Variants in NKAIN3 observed in about 807,000 individuals in gnomAD.
NKAIN3 encodes the protein sodium/potassium transporting ATPase interacting 3.
In NKAIN3, 25 loss-of-function variants were observed where a neutral mutation model predicts 30.2. The ratio of observed to expected loss-of-function variants is 0.83; its 90% CI spans 0.60 to 1.16. The LOEUF (loss-of-function observed/expected upper bound fraction) is 1.16, where lower values mean the gene tolerates loss of function less well. NKAIN3 is among the 50% of genes most tolerant of loss of function. The pLI, the probability that NKAIN3 is intolerant of heterozygous loss-of-function variation, is 0.00. For missense variants in NKAIN3, 225 were observed against 254.1 expected (o/e 0.89, Z 0.78); for synonymous variants, 91 against 89.6 (o/e 1.02, Z -0.09).
chr8:62,689,093 G>A (rs1237964176), intron 3 of NKAIN3, among the ~76,000 whole-genome samples: 1 of 152,052 alleles, frequency 6.6e-6, no homozygotes, highest in Non-Finnish European at 1.5e-5. Context: ...TGTTGAGAAG[G>A]AAAATAAGTT....
chr8:62,690,300 C>T (rs1813925983), intron 3 of NKAIN3, among the ~76,000 whole-genome samples: 1 of 152,268 alleles, frequency 6.6e-6, no homozygotes, highest in East Asian at 1.9e-4. Context: ...GGGCCCCGTG[C>T]CCCTGGACCA....
At chr8:62,459,814 G>T (rs1430300043) in intron 1 of NKAIN3, among the ~76,000 whole-genome samples, 1 of 152,198 alleles carries the variant, frequency 6.6e-6, no homozygotes, top group Non-Finnish European at 1.5e-5. Context: ...AGAGTAAACA[G>T]AGAGAATACA....
chr8:62,882,306 A>G (rs533058597), intron 4 of NKAIN3, among the ~76,000 whole-genome samples: 2 of 152,018 alleles, frequency 1.3e-5, no homozygotes, highest in South Asian at 4.1e-4. Flanking sequence ...TGTTGTATTT[A>G]TTTATTTATT....
intron 5 of NKAIN3, among the ~76,000 whole-genome samples, chr8:62,926,902 C>G (rs1822466255): frequency 6.6e-6 from 1 of 152,104 alleles, no homozygotes; most frequent in Admixed American, 6.6e-5. Context: ...ATTTAAGCAC[C>G]TTGCTCTCTT....
chr8:62,637,848 T>C (rs949769419), intron 3 of NKAIN3, among the ~76,000 whole-genome samples: 1 of 152,072 alleles, frequency 6.6e-6, no homozygotes, highest in Non-Finnish European at 1.5e-5. Context: ...AAGGTCAGGT[T>C]CCACAAGGTG....
chr8:62,955,215 G>C (rs1056471896), intron 6 of NKAIN3, among the ~76,000 whole-genome samples: 4 of 152,162 alleles, frequency 2.6e-5, no homozygotes, highest in African/African-American at 7.2e-5. Context: ...CACTGTGCCT[G>C]TCACATGATA....
At chr8:62,439,580 A>G (rs774166205) in intron 1 of NKAIN3, among the ~76,000 whole-genome samples, 1 of 152,162 alleles carries the variant, frequency 6.6e-6, no homozygotes, top group Non-Finnish European at 1.5e-5. Context: ...GTTCCCTCTC[A>G]TGTTACTTTC....
At chr8:62,712,168 G>T (rs1230535591) in intron 3 of NKAIN3, among the ~76,000 whole-genome samples, 4 of 152,138 alleles carry the variant, frequency 2.6e-5, no homozygotes, top group African/African-American at 9.7e-5. Context: ...ACTCTGTGAG[G>T]GTTCTTAGTT....
chr8:62,403,020 G>A (rs1212023404), intron 1 of NKAIN3, among the ~76,000 whole-genome samples: 1 of 152,226 alleles, frequency 6.6e-6, no homozygotes, highest in Non-Finnish European at 1.5e-5. Flanking sequence ...CCAAAATGCT[G>A]ATAGTGATAT....
At chr8:62,838,116 G>A (rs375177410) in intron 4 of NKAIN3, among the ~76,000 whole-genome samples, 2 of 136,046 alleles carry the variant, frequency 1.5e-5, no homozygotes, top group South Asian at 2.7e-4. Flanking sequence ...ATCTCACTCT[G>A]AACAATACCG....
intron 3 of NKAIN3, among the ~76,000 whole-genome samples, chr8:62,739,426 T>G (rs564603038): frequency 6.6e-6 from 1 of 152,174 alleles, no homozygotes; most frequent in African/African-American, 2.4e-5. Flanking sequence ...TGTTTGTTCT[T>G]GTGTTTATTT....
At chr8:62,634,064 A>C (rs1295655222) in intron 3 of NKAIN3, among the ~76,000 whole-genome samples, 1 of 152,162 alleles carries the variant, frequency 6.6e-6, no homozygotes, top group Non-Finnish European at 1.5e-5. Flanking sequence ...AATTGAAACC[A>C]GCCCAATTGT....
At chr8:62,831,736 C>A (rs1819203709) in intron 4 of NKAIN3, among the ~76,000 whole-genome samples, 1 of 151,896 alleles carries the variant, frequency 6.6e-6, no homozygotes, top group African/African-American at 2.4e-5. Flanking sequence ...TGTAAAGTGA[C>A]CAAATCTATG....
intron 1 of NKAIN3, among the ~76,000 whole-genome samples, chr8:62,341,785 A>T (rs1014505913): frequency 7.2e-5 from 11 of 152,026 alleles, no homozygotes; most frequent in African/African-American, 2.7e-4. Flanking sequence ...TGACAACATG[A>T]GACCCATGAG....
intron 1 of NKAIN3, among the ~76,000 whole-genome samples, chr8:62,502,241 A>G (rs920182678): frequency 3.3e-5 from 5 of 152,044 alleles, no homozygotes; most frequent in African/African-American, 1.2e-4. Context: ...TTGCCCTTTC[A>G]TCTTCTGTTC....
At chr8:62,641,520 G>GT (rs1812308032) in intron 3 of NKAIN3, among the ~76,000 whole-genome samples, 1 of 152,046 alleles carries the variant, frequency 6.6e-6, no homozygotes, top group African/African-American at 2.4e-5. Flanking sequence ...CTTTTTGTAG[G>GT]TTTTTGATAA....
At chr8:62,352,369 T>C (rs1008660836) in intron 1 of NKAIN3, among the ~76,000 whole-genome samples, 1 of 152,196 alleles carries the variant, frequency 6.6e-6, no homozygotes. Context: ...CACCTTTCTC[T>C]CTTAGCACAT....
rs79789079 is a variant in NKAIN3, at chr8:62,250,592, T to C, written c.54+1465T>C. ...CAACCCTTGATTCAATGTAAGATTA[T>C]AGATAGGCATGCTGGATTGCATAAT... On this transcript the variant is annotated intron_variant, in intron 1 of 6. Transcript: ENST00000623646. 6.8e-3 allele frequency among the ~76,000 whole-genome samples: 1,030 copies of C among 152,356 alleles called. 10 individuals are homozygous for C. The highest frequency in any genetic ancestry group is 0.037 in the Middle Eastern group (11 of 294).
At chr8:62,470,360 C>T (rs1218091055) in intron 1 of NKAIN3, among the ~76,000 whole-genome samples, 2 of 152,120 alleles carry the variant, frequency 1.3e-5, no homozygotes, top group Admixed American at 1.3e-4. Context: ...CCACCACTGA[C>T]CTGATAGCCA....
Sources: allele counts gnomAD v4.1 joint callset (sites outside exome capture counted in the v4.1 genomes callset), GRCh38; gene constraint gnomAD v4.1.1; transcripts MANE v1.5; gene names NCBI Gene and HGNC (gene_info 2026-07-23, HGNC 2026-07-21).